Variants in TMEM39A observed in about 807,000 individuals in gnomAD.
The protein encoded by TMEM39A is transmembrane protein 39A, also known as suppressor of SQST-1 aggregates in rpl-43 mutants.
Under a neutral mutation model 51.9 loss-of-function variants are expected in TMEM39A, and 19 were observed. The ratio of observed to expected loss-of-function variants is 0.37; its 90% CI spans 0.26 to 0.54. TMEM39A has a LOEUF of 0.54. Ranked by LOEUF, TMEM39A falls within the 20% of genes least tolerant of loss-of-function variation. The pLI is 0.88. For synonymous variants in TMEM39A, 197 were observed against 220.2 expected (o/e 0.89, Z 0.93); for missense variants, 433 against 590.5 (o/e 0.73, Z 2.76).
chr3:119,434,855 T>G lies in TMEM39A; in HGVS notation c.1140A>C (p.Gln380His), dbSNP rs1437327013. 6.2e-7 allele frequency: 1 copy of G among 1,613,698 alleles called. No homozygotes were observed. Among genetic ancestry groups the G allele is most frequent in the South Asian group, 1.1e-5 (1 of 91,076 alleles). ...HIWSENTIWP[Q>H]GVLVRHSRCL... ...ATCTGCTGTGCCGCACCAGCACCCCTTGAGGCCATATTGTATTTTCTGACC... is the reference window on the plus strand; with the variant it reads ...ATCTGCTGTGCCGCACCAGCACCCCGTGAGGCCATATTGTATTTTCTGACC... Residue 380 changes from glutamine (Q) to histidine (H), a missense_variant, in exon 8 of 9, where the codon CAA (glutamine) becomes CAC (histidine). Coordinates refer to ENST00000319172, the MANE Select transcript of TMEM39A (RefSeq NM_018266.3).
intron 4 of TMEM39A, 132 bp downstream of exon 4, chr3:119,452,315 C>G: frequency 1.8e-6 from 1 of 560,784 alleles, no homozygotes; most frequent in Admixed American, 3.6e-5. Context: ...TTTTAAAGTA[C>G]TGGCAGAACT....
chr3:119,447,322 T>C (rs868374379), intron 4 of TMEM39A, 150 bp from the exon 5 acceptor site: 3 of 730,726 alleles, frequency 4.1e-6, no homozygotes, highest in Non-Finnish European at 6.4e-6. Context: ...TCCCACCTTA[T>C]CTTCGTAATA....
intron 5 of TMEM39A, among the ~76,000 whole-genome samples, chr3:119,445,693 T>C (rs1191591876): frequency 6.6e-6 from 1 of 152,206 alleles, no homozygotes; most frequent in Non-Finnish European, 1.5e-5. Context: ...AATTTAACTT[T>C]GAAATGCATC....
rs538071322 is a variant in TMEM39A, at chr3:119,437,084, C to T, written c.925-106G>A. On this transcript the variant is annotated intron_variant, in intron 6 of 8. Transcript: ENST00000319172. The stretch of plus-strand genomic sequence containing the variant: ...CAGACAAATGCCACACTGAGTCACA[C>T]ATGCACTGGTGGTCCTGCTGTCCGT... 6.7e-5 allele frequency: 67 copies of T among 1,002,440 alleles called. 1 individual carries two copies. The highest frequency in any genetic ancestry group is 9.2e-5 in the Non-Finnish European group (63 of 684,856). The allele number at this position is 1,002,440 out of a possible 1,614,324, so 62.1% of individuals were successfully genotyped here.
intron 7 of TMEM39A, 98 bp from the exon 8 acceptor site, chr3:119,434,980 T>A: frequency 6.7e-7 from 1 of 1,486,140 alleles, no homozygotes. Flanking sequence ...AATTAAATAA[T>A]CAAGGCTTCA....
intron 3 of TMEM39A, among the ~76,000 whole-genome samples, chr3:119,453,444 A>G (rs1459798570): frequency 6.6e-6 from 1 of 152,206 alleles, no homozygotes; most frequent in African/African-American, 2.4e-5. Context: ...CATCACCATA[A>G]AATTTAACTA....
At chr3:119,458,879 G>A (rs1220463197) in intron 2 of TMEM39A, among the ~76,000 whole-genome samples, 2 of 152,096 alleles carry the variant, frequency 1.3e-5, no homozygotes, top group Non-Finnish European at 2.9e-5. Flanking sequence ...TGGGCAACAA[G>A]AGTGAAACTC....
chr3:119,438,569 AT>A (rs1261574096), intron 5 of TMEM39A, among the ~76,000 whole-genome samples: 2 of 152,122 alleles, frequency 1.3e-5, no homozygotes, highest in African/African-American at 4.8e-5. Context: ...AAGTCTAAAT[AT>A]TTTTCTATAG....
chr3:119,447,478 T>G (rs1343758423), intron 4 of TMEM39A, among the ~76,000 whole-genome samples: 1 of 152,186 alleles, frequency 6.6e-6, no homozygotes, highest in African/African-American at 2.4e-5. Flanking sequence ...ATCACATTAT[T>G]TTGTTCCATC....
chr3:119,462,644 C>CG lies in TMEM39A; in HGVS notation c.-74-497dup, dbSNP rs748269413. On this transcript the variant is annotated intron_variant, in intron 1 of 8. Transcript: ENST00000319172. ...AGTGTGTTTCTTCAAGGGGGGGGGGCGGGGGGGGGGAGTGTCCCCTGTTCT... is the reference window on the plus strand; with the variant it reads ...AGTGTGTTTCTTCAAGGGGGGGGGGCGGGGGGGGGGGAGTGTCCCCTGTTCT... Among the ~76,000 whole-genome samples the CG allele has an allele frequency of 2.3e-3, 12 of 5,306 alleles. 1 individual carries two copies. The highest frequency in any genetic ancestry group is 0.018 in the South Asian group (2 of 114). The allele number at this position is 5,306 out of a possible 152,430, so 3.5% of individuals were successfully genotyped here. A position where few individuals can be genotyped will look rare whatever the true frequency, so the allele number is the denominator to read the frequency against.
chr3:119,437,720 T>C (rs2080990361), intron 6 of TMEM39A, 35 bp downstream of exon 6: 1 of 1,453,500 alleles, frequency 6.9e-7, no homozygotes, highest in African/African-American at 1.4e-5. Flanking sequence ...CACACACAAA[T>C]CCAGGAAGCA....
At chr3:119,449,217 A>G (rs1185322760) in intron 4 of TMEM39A, among the ~76,000 whole-genome samples, 1 of 152,234 alleles carries the variant, frequency 6.6e-6, no homozygotes, top group Non-Finnish European at 1.5e-5. Context: ...TCTCAAATAT[A>G]GTAAAATAAA....
At chr3:119,434,703 A>T in intron 8 of TMEM39A, 59 bp downstream of exon 8, 1 of 1,594,572 alleles carries the variant, frequency 6.3e-7, no homozygotes, top group Non-Finnish European at 8.6e-7. Flanking sequence ...TTCCACATAG[A>T]GTGGCCTCCT....
chr3:119,433,955 A>C (rs1232376754), intron 8 of TMEM39A, among the ~76,000 whole-genome samples: 1 of 152,224 alleles, frequency 6.6e-6, no homozygotes, highest in Non-Finnish European at 1.5e-5. Flanking sequence ...ATACCCTCAC[A>C]GGAACTGAGA....
intron 5 of TMEM39A, among the ~76,000 whole-genome samples, chr3:119,439,372 GGAGTTCAA>G (rs1198036151): frequency 6.6e-6 from 1 of 152,216 alleles, no homozygotes; most frequent in African/African-American, 2.4e-5. Flanking sequence ...CCTGAGGTCA[GGAGTTCAA>G]GACCAGCCTG....
rs2080899948 is a variant in TMEM39A, at chr3:119,431,500, T to TA, written c.*480dup. 1 of 152,496 alleles carries TA rather than the reference T, an allele frequency of 6.6e-6. No homozygotes were observed. The allele number at this position is 152,496 out of a possible 1,614,324, so 9.4% of individuals were successfully genotyped here. On this transcript the variant is annotated 3_prime_UTR_variant, in exon 9 of 9. Transcript: ENST00000319172. ...GGTAGGCAACAAAGAGAACCCCACC[T>TA]AGGACTTTAACCCACTCTTTTCCCA...
chr3:119,432,025 C>A lies in TMEM39A; in HGVS notation c.1423G>T (p.Ala475Ser). 1 of 1,612,700 alleles carries A rather than the reference C, an allele frequency of 6.2e-7. No homozygotes were observed. Among genetic ancestry groups the A allele is most frequent in the Non-Finnish European group, 8.5e-7 (1 of 1,179,204 alleles). Residue 475 changes from alanine to serine, a missense_variant, in exon 9 of 9, where the codon GCA (alanine) becomes TCA (serine). By Grantham distance (99) the Ala-to-Ser change is moderately conservative. Coordinates refer to ENST00000319172, the MANE Select transcript of TMEM39A (RefSeq NM_018266.3). ...LLRDRIVLGR[A>S]YSYPLNSYEL... ...TAACTGTTGAGTGGGTAGGAGTATGCCCTGCCTAATACTATTCTGTCCCGG... is the reference window on the plus strand; with the variant it reads ...TAACTGTTGAGTGGGTAGGAGTATGACCTGCCTAATACTATTCTGTCCCGG...
At chr3:119,452,333 G>A in intron 4 of TMEM39A, 114 bp downstream of exon 4, 1 of 682,976 alleles carries the variant, frequency 1.5e-6, no homozygotes, top group Non-Finnish European at 2.5e-6. Context: ...ACTCACATGG[G>A]AGTAAAGTAA....
chr3:119,442,827 A>C (rs1003017085), intron 5 of TMEM39A, among the ~76,000 whole-genome samples: 3 of 152,202 alleles, frequency 2.0e-5, no homozygotes, highest in African/African-American at 7.2e-5. Flanking sequence ...TGGGAAGCCA[A>C]GGAGGCTGGA....
Sources: allele counts gnomAD v4.1 joint callset (sites outside exome capture counted in the v4.1 genomes callset), GRCh38; gene constraint gnomAD v4.1.1; transcripts MANE v1.5; gene names NCBI Gene and HGNC (gene_info 2026-07-23, HGNC 2026-07-21).